Variants in IRF2 observed in about 807,000 individuals in gnomAD.
IRF2 encodes interferon regulatory factor 2.
IRF2 carries 15 observed loss-of-function variants against 40.6 expected under a neutral mutation model. That is an observed-to-expected ratio of 0.37 (90% confidence interval 0.25 to 0.57). The LOEUF (loss-of-function observed/expected upper bound fraction) is 0.57. Among genes scored for constraint, IRF2 ranks in the 20% least tolerant of loss-of-function variants. IRF2 has a pLI of 0.77. For missense variants in IRF2, 317 were observed against 455.7 expected, an observed-to-expected ratio of 0.70 and a Z score of 2.77; for synonymous variants, 151 against 165.5, an observed-to-expected ratio of 0.91 and a Z score of 0.67.
chr4:184,398,661 A>AT lies in IRF2; in HGVS notation c.694+253_694+254insA, dbSNP rs1373619373. Among the ~76,000 whole-genome samples, 132 of 151,082 alleles carry AT rather than the reference A, an allele frequency of 8.7e-4. 2 individuals are homozygous for AT. Among genetic ancestry groups the AT allele is most frequent in the African/African-American group, 2.7e-3 (111 of 41,348 alleles). The stretch of plus-strand genomic sequence containing the variant: ...ACAGAGCGAGACTCTGTCTCAAAAA[A>AT]AAAAAAAATAAATAAATAAATAAAA... On this transcript the variant is annotated intron_variant, in intron 7 of 8. Transcript: ENST00000393593.
At chr4:184,447,047 G>C (rs1265442849) in intron 1 of IRF2, among the ~76,000 whole-genome samples, 1 of 152,172 alleles carries the variant, frequency 6.6e-6, no homozygotes, top group Non-Finnish European at 1.5e-5. Context: ...CCTGGGAACA[G>C]CAAGACCCCA....
chr4:184,441,321 G>C (rs1738295165), intron 1 of IRF2, among the ~76,000 whole-genome samples: 1 of 152,228 alleles, frequency 6.6e-6, no homozygotes, highest in Non-Finnish European at 1.5e-5. Context: ...CTGAATACCT[G>C]AAATGTGGCT....
Position 184,430,883 on chromosome 4 carries a change from C to A in IRF2, c.-6-1813G>T, listed in dbSNP as rs1737854141. 3.3e-5 allele frequency among the ~76,000 whole-genome samples: 5 copies of A among 152,132 alleles called. No individual in the cohort carries two copies. The South Asian group carries it at 1.0e-3, about 32-fold the overall frequency. The stretch of plus-strand genomic sequence containing the variant: ...CTATTTTTTTTTATTTTTTGTAGAG[C>A]TGGGGTCTCCCTATGCTACCCAGGC... On this transcript the variant is annotated intron_variant, in intron 1 of 8. Coordinates refer to ENST00000393593, the MANE Select transcript of IRF2 (RefSeq NM_002199.4).
At chr4:184,397,882 T>C (rs1195513451) in intron 7 of IRF2, among the ~76,000 whole-genome samples, 1 of 152,216 alleles carries the variant, frequency 6.6e-6, no homozygotes, top group Non-Finnish European at 1.5e-5. Flanking sequence ...TGAAGTAATG[T>C]TGGCGAACGA....
At chr4:184,460,821 T>C (rs1402436387) in intron 1 of IRF2, among the ~76,000 whole-genome samples, 1 of 152,126 alleles carries the variant, frequency 6.6e-6, no homozygotes, top group Non-Finnish European at 1.5e-5. Context: ...CTAAATGATA[T>C]CTAAAGTAGG....
chr4:184,474,034 A>T lies in IRF2; in HGVS notation c.-7+345T>A, dbSNP rs1324111239. 1 of 153,008 alleles carries T rather than the reference A, an allele frequency of 6.5e-6. No homozygotes were observed. The allele number at this position is 153,008 out of a possible 1,614,324, so 9.5% of individuals were successfully genotyped here. Reference sequence around the variant, plus strand: ...ACAGCAGGTCTGTGTCCATGGAGCCACCTCTCCGCATCTGCAAATCCAAAA... The same window carrying T: ...ACAGCAGGTCTGTGTCCATGGAGCCTCCTCTCCGCATCTGCAAATCCAAAA... On this transcript the variant is annotated intron_variant, in intron 1 of 8. Transcript: ENST00000393593. The surrounding 1 kb of genome is among the most constrained non-coding windows in gnomAD (Gnocchi z 5.6).
At chr4:184,422,776 A>G (rs1236389791) in intron 2 of IRF2, among the ~76,000 whole-genome samples, 2 of 152,204 alleles carry the variant, frequency 1.3e-5, no homozygotes, top group Non-Finnish European at 2.9e-5. Context: ...AGAGACAGAG[A>G]GCAGATTACT....
chr4:184,457,506 T>G (rs1738987796), intron 1 of IRF2, among the ~76,000 whole-genome samples: 1 of 152,284 alleles, frequency 6.6e-6, no homozygotes, highest in African/African-American at 2.4e-5. Flanking sequence ...TTGAGCCAAC[T>G]GTCTTTAATT....
At chr4:184,470,464 T>C (rs1739473785) in intron 1 of IRF2, among the ~76,000 whole-genome samples, 1 of 152,134 alleles carries the variant, frequency 6.6e-6, no homozygotes, top group South Asian at 2.1e-4. Context: ...GCAGATCACC[T>C]GAGGTCAGGA....
At chr4:184,423,403 C>T (rs1737551971) in intron 2 of IRF2, among the ~76,000 whole-genome samples, 1 of 152,130 alleles carries the variant, frequency 6.6e-6, no homozygotes, top group Admixed American at 6.5e-5. Context: ...GTTCCTTGGC[C>T]CCACATGGAA....
intron 1 of IRF2, among the ~76,000 whole-genome samples, chr4:184,437,708 C>T (rs186646693): frequency 3.9e-5 from 6 of 151,946 alleles, no homozygotes; most frequent in Admixed American, 2.0e-4. Flanking sequence ...TCTGAGTGCA[C>T]GACTTGGGAA....
intron 1 of IRF2, among the ~76,000 whole-genome samples, chr4:184,444,511 C>G (rs1221534310): frequency 6.6e-6 from 1 of 152,180 alleles, no homozygotes; most frequent in East Asian, 1.9e-4. Context: ...AGTACCTGAT[C>G]CATCAATAGT....
At chr4:184,432,968 G>A (rs556982374) in intron 1 of IRF2, among the ~76,000 whole-genome samples, 1 of 152,282 alleles carries the variant, frequency 6.6e-6, no homozygotes, top group South Asian at 2.1e-4. Context: ...GCAGCCCTGA[G>A]CAACCAACAG....
At chr4:184,447,911 T>A (rs769376452) in intron 1 of IRF2, among the ~76,000 whole-genome samples, 12 of 152,170 alleles carry the variant, frequency 7.9e-5, no homozygotes, top group Non-Finnish European at 1.6e-4. Context: ...ACTGAGACAT[T>A]CCAACAGGAA....
At chr4:184,410,271 C>T (rs1009482736) in intron 5 of IRF2, among the ~76,000 whole-genome samples, 11 of 152,212 alleles carry the variant, frequency 7.2e-5, no homozygotes, top group South Asian at 2.1e-4. Flanking sequence ...ATAGGACCCA[C>T]GTCATAGGGA....
At chr4:184,405,506 C>G (rs1736822792) in intron 6 of IRF2, among the ~76,000 whole-genome samples, 1 of 152,190 alleles carries the variant, frequency 6.6e-6, no homozygotes, top group African/African-American at 2.4e-5. Flanking sequence ...AGTTCAAAGA[C>G]AGGTATGAAA....
In IRF2 at chr4:184,418,589, T is replaced by A. The variant is rs1737364792; in HGVS notation, c.307A>T (p.Asn103Tyr). 1 of 1,614,120 alleles carries A rather than the reference T, an allele frequency of 6.2e-7. No individual in the cohort carries two copies. Among genetic ancestry groups the A allele is most frequent in the African/African-American group, 1.3e-5 (1 of 74,948 alleles). Residue 103 changes from asparagine to tyrosine, a missense_variant, in exon 4 of 9, where the codon AAT (asparagine) becomes TAT (tyrosine). Coordinates refer to ENST00000393593, the MANE Select transcript of IRF2 (RefSeq NM_002199.4). ...EVKDKSIKKG[N>Y]NAFRVYRMLP... is the part of the protein sequence containing the mutation. ...ATTCGGTAGACCCTGAAGGCATTATTTCCTTTCTTTATGCTTTTATCCTTG... is the reference window on the plus strand; with the variant it reads ...ATTCGGTAGACCCTGAAGGCATTATATCCTTTCTTTATGCTTTTATCCTTG...
intron 5 of IRF2, among the ~76,000 whole-genome samples, chr4:184,411,823 T>C (rs1737084006): frequency 6.6e-6 from 1 of 151,990 alleles, no homozygotes; most frequent in Non-Finnish European, 1.5e-5. Context: ...GGACCCCCGA[T>C]GCCCCACTCC....
intron 7 of IRF2, among the ~76,000 whole-genome samples, chr4:184,398,448 G>C (rs957968379): frequency 3.3e-5 from 5 of 152,102 alleles, no homozygotes; most frequent in Admixed American, 3.3e-4. Context: ...CCTGACGTCA[G>C]GAGCTCGAGA....
Sources: allele counts gnomAD v4.1 joint callset (sites outside exome capture counted in the v4.1 genomes callset), GRCh38; gene constraint gnomAD v4.1.1; non-coding constraint Gnocchi (gnomAD v3.1); transcripts MANE v1.5; gene names NCBI Gene and HGNC (gene_info 2026-07-23, HGNC 2026-07-21).